The following KRT23 variants were observed in gnomAD, a reference collection of about 807,000 sequenced individuals.
The protein encoded by KRT23 is keratin, type I cytoskeletal 23.
A neutral mutation model predicts 47.6 loss-of-function variants in KRT23; 38 were observed. That is an observed-to-expected ratio of 0.80 (90% CI 0.62 to 1.05). KRT23 has a LOEUF of 1.05. Ranked by LOEUF, KRT23 falls within the 50% of genes least tolerant of loss-of-function variation. KRT23 has a pLI of 0.00. For synonymous variants in KRT23, 191 were observed against 199.0 expected, an observed-to-expected ratio of 0.96 and a Z score of 0.34; for missense variants, 503 against 529.5, an observed-to-expected ratio of 0.95 and a Z score of 0.49.
At chr17:40,932,116 G>A (rs1173397122) in intron 2 of KRT23, among the ~76,000 whole-genome samples, 1 of 152,056 alleles carries the variant, frequency 6.6e-6, no homozygotes, top group East Asian at 1.9e-4. Context: ...ACTTGAAGGT[G>A]TGTTTATGTC....
At position 40,931,428 on chromosome 17, in the gene KRT23, G is replaced by C; in HGVS notation, c.424C>G (p.Gln142Glu). The change falls in exon 3 of 9, where the codon CAG becomes GAG. Residue 142 changes from glutamine to glutamate, a missense_variant. Transcript: ENST00000209718. ...GCATTGTCAATGAGAAGAATAATCT[G>C]AGCATTGGTCATCTTACCATCCACT... ...QIVDGKMTNA[Q>E]IILLIDNARM... The C allele has an allele frequency of 6.2e-7, 1 of 1,613,724 alleles. No individual in the cohort carries two copies. The highest frequency in any genetic ancestry group is 8.5e-7 in the Non-Finnish European group (1 of 1,179,596).
Position 40,928,658 on chromosome 17 carries a change from T to C in KRT23, c.637-51A>G. On this transcript the variant is annotated intron_variant, in intron 4 of 8. Transcript: ENST00000209718. ...GAACCGGCTTTGACAATCAGAAGGC[T>C]GGATTGCCATGTTGATTGGCAGTGG... 2.0e-6 allele frequency: 3 copies of C among 1,537,002 alleles called. No individual in the cohort carries two copies. In the South Asian group the frequency reaches 3.5e-5, roughly 18 times the overall value.
rs1263307221 is a variant in KRT23, at chr17:40,936,257, T to C, written c.347A>G (p.Lys116Arg). Residue 116 changes from lysine to arginine, a missense_variant, in exon 2 of 9, where the codon AAG (lysine) becomes AGG (arginine). Coordinates refer to ENST00000209718, the MANE Select transcript of KRT23 (RefSeq NM_015515.5). ...TTCCTCATACTGGGAATAATCTTTC[T>C]TACTGCCAGGATCTCTCTGCTGGTG... is the stretch of plus-strand genomic sequence containing the variant. ...KWHQQRDPGS[K>R]KDYSQYEENI... 5 of 1,614,220 alleles carry C rather than the reference T, an allele frequency of 3.1e-6. No individual in the cohort carries two copies. The highest frequency in any genetic ancestry group is 3.4e-6 in the Non-Finnish European group (4 of 1,180,034).
chr17:40,928,656 G>C (rs1909407399), intron 4 of KRT23, 49 bp from the exon 5 acceptor site: 2 of 1,552,632 alleles, frequency 1.3e-6, no homozygotes, highest in East Asian at 2.2e-5. Flanking sequence ...CAATCAGAAG[G>C]CTGGATTGCC....
At chr17:40,931,192 A>G (rs1397587726) in intron 3 of KRT23, among the ~76,000 whole-genome samples, 181 bp downstream of exon 3, 2 of 151,794 alleles carry the variant, frequency 1.3e-5, no homozygotes, top group African/African-American at 2.4e-5. Flanking sequence ...TTGTATTTTT[A>G]GTAGAGATGG....
At chr17:40,924,529 T>C in intron 7 of KRT23, 26 bp from the exon 8 acceptor site, 5 of 1,600,922 alleles carry the variant, frequency 3.1e-6, no homozygotes, top group Non-Finnish European at 4.3e-6. Context: ...AGGTTAAAGC[T>C]CACTTTAGTA....
At position 40,928,503 on chromosome 17, in the gene KRT23, T is replaced by C. The variant is rs756264912; in HGVS notation, c.741A>G (p.Glu247=). The C allele has an allele frequency of 6.2e-7, 1 of 1,614,222 alleles. No individual in the cohort carries two copies. The highest frequency in any genetic ancestry group is 1.1e-5 in the South Asian group (1 of 91,084). ...LIKVLEDMRQ[E]YELIIKKKHR... ...GCTTCTTCTTTATTATAAGCTCATA[T>C]TCTTGTCTCATATCCTCCAGGACCT... is the stretch of plus-strand genomic sequence containing the variant. Residue 247 remains glutamate, a synonymous_variant, in exon 5 of 9, where the codon GAA becomes GAG. Coordinates refer to ENST00000209718, the MANE Select transcript of KRT23 (RefSeq NM_015515.5).
chr17:40,931,029 T>TTTG (rs66843015), intron 3 of KRT23, among the ~76,000 whole-genome samples: 1 of 148,472 alleles, frequency 6.7e-6, no homozygotes, highest in African/African-American at 2.5e-5. Flanking sequence ...TTTTTTTTTT[T>TTTG]GAGATGGAGT....
At chr17:40,924,762 G>GT (rs1335040042) in intron 7 of KRT23, among the ~76,000 whole-genome samples, 4 of 152,132 alleles carry the variant, frequency 2.6e-5, no homozygotes, top group African/African-American at 9.7e-5. Flanking sequence ...TGCAAGCTTG[G>GT]TTTTCTCTAG....
Position 40,922,885 on chromosome 17 carries a change from T to G in KRT23, c.*104A>C, listed in dbSNP as rs1909007043. 2 of 775,712 alleles carry G rather than the reference T, an allele frequency of 2.6e-6. No homozygotes were observed. Among genetic ancestry groups the G allele is most frequent in the Admixed American group, 2.4e-5 (1 of 41,812 alleles). The allele number at this position is 775,712 out of a possible 1,614,324, so 48.1% of individuals were successfully genotyped here. On this transcript the variant is annotated 3_prime_UTR_variant, in exon 9 of 9. Coordinates refer to ENST00000209718, the MANE Select transcript of KRT23 (RefSeq NM_015515.5). ...AAAAAAAAATAAAAGTTTCTGAGTC[T>G]GATAATTCCAAGGGTATCTTTTAGA... is the stretch of plus-strand genomic sequence containing the variant.
chr17:40,936,447 G>C lies in KRT23; in HGVS notation c.157C>G (p.Pro53Ala). 1 of 1,608,612 alleles carries C rather than the reference G, an allele frequency of 6.2e-7. No homozygotes were observed. The highest frequency in any genetic ancestry group is 8.5e-7 in the Non-Finnish European group (1 of 1,176,628). Residue 53 changes from proline (P) to alanine (A), a missense_variant, in exon 2 of 9, where the codon CCA becomes GCA. Coordinates refer to ENST00000209718, the MANE Select transcript of KRT23 (RefSeq NM_015515.5). ...ISLSFTTRSC[P>A]PPGGSWGSGR... ...GAACCCCAAGACCCTCCAGGGGGTG[G>C]GCAGCTCCGCGTGGTGAAGGACAGG...
chr17:40,936,486 C>T lies in KRT23; in HGVS notation c.118G>A (p.Gly40Arg), dbSNP rs1275927019. Residue 40 changes from glycine to arginine, a missense_variant, in exon 2 of 9, where the codon GGA becomes AGA. Coordinates refer to ENST00000209718, the MANE Select transcript of KRT23 (RefSeq NM_015515.5). ...RAPTVHGGAG[G>R]ARISLSFTTR... Reference sequence around the variant, plus strand: ...GTGAAGGACAGGGAGATGCGGGCTCCCCCCGCACCGCCATGGACGGTGGGA... The same window carrying T: ...GTGAAGGACAGGGAGATGCGGGCTCTCCCCGCACCGCCATGGACGGTGGGA... 3.8e-6 allele frequency: 6 copies of T among 1,566,284 alleles called. No individual in the cohort carries two copies. The highest frequency in any genetic ancestry group is 1.7e-4 in the Middle Eastern group (1 of 5,808).
rs773949027 is a variant in KRT23 at position 40,936,374 on chromosome 17, T to C, written c.230A>G (p.Gln77Arg). 6 of 1,614,220 alleles carry C rather than the reference T, an allele frequency of 3.7e-6. No homozygotes were observed. The South Asian group carries it at 6.6e-5, about 18-fold the overall frequency. The change falls in exon 2 of 9, where the codon CAG becomes CGG. Residue 77 changes from glutamine (Q) to arginine (R), a missense_variant. Physicochemically the swap from Gln to Arg is conservative, Grantham distance 43. Transcript: ENST00000209718. ...LLGGNGKATM[Q>R]NLNDRLASYL... ...GGAGGCCAGGCGGTCGTTGAGATTC[T>C]GCATGGTGGCCTTCCCATTTCCGCC...
chr17:40,927,511 C>G (rs1909301599), intron 6 of KRT23, among the ~76,000 whole-genome samples: 2 of 152,168 alleles, frequency 1.3e-5, no homozygotes, highest in African/African-American at 4.8e-5. Flanking sequence ...CATTGCCTCT[C>G]AAGACTGAGG....
At position 40,924,520 on chromosome 17, in the gene KRT23, G is replaced by T. The variant is rs764015559; in HGVS notation, c.1143-17C>A. On this transcript the variant is annotated splice_polypyrimidine_tract_variant and intron_variant, in intron 7 of 8. Coordinates refer to ENST00000209718, the MANE Select transcript of KRT23 (RefSeq NM_015515.5). ...TCCCGTGTCCTATAAAAGTGATAAA[G>T]GTTAAAGCTCACTTTAGTATTAGCA... is the stretch of plus-strand genomic sequence containing the variant. 6.2e-7 allele frequency: 1 copy of T among 1,609,038 alleles called. No homozygotes were observed. The highest frequency in any genetic ancestry group is 1.7e-5 in the Admixed American group (1 of 59,864).
chr17:40,930,772 C>CAAATAAATAAAT (rs144851372), intron 3 of KRT23, among the ~76,000 whole-genome samples: 8 of 148,908 alleles, frequency 5.4e-5, no homozygotes, highest in Admixed American at 2.7e-4. Flanking sequence ...CAAAAATAAA[C>CAAATAAATAAAT]AAATAAATAA....
intron 6 of KRT23, 93 bp downstream of exon 6, chr17:40,928,145 A>G: frequency 3.3e-6 from 5 of 1,496,096 alleles, no homozygotes; most frequent in Non-Finnish European, 4.6e-6. Flanking sequence ...AGTTGTCCCA[A>G]GGGAGTTGAG....
In KRT23 at chr17:40,936,835, T is replaced by C. The variant is rs763046187; in HGVS notation, c.-232A>G. On this transcript the variant is annotated 5_prime_UTR_variant, in exon 2 of 9. Coordinates refer to ENST00000209718, the MANE Select transcript of KRT23 (RefSeq NM_015515.5). ...GTTGTTGTTTAGAGCCACATCAATATGACAGTTTGCTTCCTCCCTTCCCCT... is the reference window on the plus strand; with the variant it reads ...GTTGTTGTTTAGAGCCACATCAATACGACAGTTTGCTTCCTCCCTTCCCCT... 2.5e-6 allele frequency: 1 copy of C among 405,842 alleles called. No homozygotes were observed. The highest frequency in any genetic ancestry group is 4.3e-6 in the Non-Finnish European group (1 of 231,238). 25.1% of individuals were successfully genotyped at this position (405,842 alleles called of 1,614,324 possible). A position where few individuals can be genotyped will look rare whatever the true frequency, so the allele number is the denominator to read the frequency against.
chr17:40,922,893 C>T lies in KRT23; in HGVS notation c.*96G>A. On this transcript the variant is annotated 3_prime_UTR_variant, in exon 9 of 9. Coordinates refer to ENST00000209718, the MANE Select transcript of KRT23 (RefSeq NM_015515.5). ...ATAAAAGTTTCTGAGTCTGATAATT[C>T]CAAGGGTATCTTTTAGAACTCACTC... 1.2e-6 allele frequency: 1 copy of T among 831,246 alleles called. No individual in the cohort carries two copies. 51.5% of individuals were successfully genotyped at this position (831,246 alleles called of 1,614,324 possible). A position where few individuals can be genotyped will look rare whatever the true frequency, so the allele number is the denominator to read the frequency against.
Sources: gnomAD v4.1 joint callset for allele counts (sites outside exome capture counted in the v4.1 genomes callset) on GRCh38, gnomAD v4.1.1 for gene constraint, MANE v1.5 for transcripts, NCBI Gene and HGNC (gene_info 2026-07-23, HGNC 2026-07-21) for gene names.